KCNJ6: variants seen among roughly 807,000 people sequenced by gnomAD.
KCNJ6 encodes potassium inwardly rectifying channel subfamily J member 6, also known as G protein-activated inward rectifier potassium channel 2.
A neutral mutation model predicts 34.2 loss-of-function variants in KCNJ6; 9 were observed. The observed-to-expected ratio is 0.26, with a 90% confidence interval of 0.16 to 0.46. KCNJ6 has a LOEUF of 0.46. Ranked by LOEUF, KCNJ6 falls within the 20% of genes least tolerant of loss-of-function variation. KCNJ6 has a pLI of 1.00. For synonymous variants in KCNJ6, 196 were observed against 207.1 expected (o/e 0.95, Z 0.46); for missense variants, 236 against 531.3 (o/e 0.44, Z 5.46).
intron 1 of KCNJ6, among the ~76,000 whole-genome samples, chr21:37,855,956 T>C (rs1225451419): frequency 6.6e-6 from 1 of 152,198 alleles, no homozygotes; most frequent in Non-Finnish European, 1.5e-5. Flanking sequence ...TCAGCCTCCC[T>C]GTCCCAGAGC....
intron 3 of KCNJ6, among the ~76,000 whole-genome samples, chr21:37,648,512 G>C (rs1196572912): frequency 1.3e-5 from 2 of 152,204 alleles, no homozygotes; most frequent in African/African-American, 2.4e-5. Flanking sequence ...AATATTTAGA[G>C]TGGGGGACAA....
At position 37,608,648 on chromosome 21, in the gene KCNJ6, C is replaced by CGT. The variant is rs1361604279; in HGVS notation, c.*16509_*16510dup. On this transcript the variant is annotated 3_prime_UTR_variant, in exon 4 of 4. Coordinates refer to ENST00000609713, the MANE Select transcript of KCNJ6 (RefSeq NM_002240.5). Reference sequence around the variant, plus strand: ...TCTAAAACTAGACTCAGTTACTTCACGTGTGAAGTGGGAAGCAGTATTTTC... The same window carrying CGT: ...TCTAAAACTAGACTCAGTTACTTCACGTGTGTGAAGTGGGAAGCAGTATTTTC... 1 of 152,192 alleles carries CGT rather than the reference C, an allele frequency of 6.6e-6. No homozygotes were observed. Among genetic ancestry groups the CGT allele is most frequent in the Non-Finnish European group, 1.5e-5 (1 of 68,038 alleles). The allele number at this position is 152,192 out of a possible 1,614,324, so 9.4% of individuals were successfully genotyped here.
chr21:37,736,692 AG>A (rs2054914725), intron 2 of KCNJ6, among the ~76,000 whole-genome samples: 1 of 152,188 alleles, frequency 6.6e-6, no homozygotes, highest in African/African-American at 2.4e-5. Flanking sequence ...GGCACAATGC[AG>A]GGGACTCCTC....
chr21:37,912,026 T>G (rs1046289679), intron 1 of KCNJ6, among the ~76,000 whole-genome samples: 3 of 152,132 alleles, frequency 2.0e-5, no homozygotes, highest in Non-Finnish European at 2.9e-5. Context: ...TCAAGGAAAA[T>G]AGTTCATGTA....
chr21:37,666,655 G>A (rs192097233), intron 3 of KCNJ6, among the ~76,000 whole-genome samples: 157 of 152,276 alleles, frequency 1.0e-3, no homozygotes, highest in African/African-American at 3.7e-3. Flanking sequence ...CAGCTCTGAA[G>A]AGACAGTGAC....
chr21:37,760,291 T>C lies in KCNJ6; in HGVS notation c.26-45160A>G, dbSNP rs146784398. Among the ~76,000 whole-genome samples, 679 of 152,370 alleles carry C rather than the reference T, an allele frequency of 4.5e-3. 5 individuals carry two copies. The highest frequency in any genetic ancestry group is 0.015 in the African/African-American group (643 of 41,590). On this transcript the variant is annotated intron_variant, in intron 2 of 3. Transcript: ENST00000609713. ...GATTAATATAAATGTTGAAATGCTA[T>C]GATTCCTCATTTCATGGACAAGGAA...
chr21:37,759,516 C>T (rs1302980376), intron 2 of KCNJ6, among the ~76,000 whole-genome samples: 1 of 152,160 alleles, frequency 6.6e-6, no homozygotes, highest in African/African-American at 2.4e-5. Context: ...CTCCCTGTGC[C>T]GCCAAGCTTG....
intron 2 of KCNJ6, among the ~76,000 whole-genome samples, chr21:37,722,719 A>G (rs1187208157): frequency 1.3e-5 from 2 of 152,256 alleles, no homozygotes; most frequent in Non-Finnish European, 2.9e-5. Context: ...GTACTGGGAT[A>G]GCTGGCTAGC....
rs1280399185 is a variant in KCNJ6, at chr21:37,620,244, A to G, written c.*4915T>C. 6.6e-6 allele frequency: 1 copy of G among 152,210 alleles called. No individual in the cohort carries two copies. The highest frequency in any genetic ancestry group is 1.5e-5 in the Non-Finnish European group (1 of 68,044). The allele number at this position is 152,210 out of a possible 1,614,324, so 9.4% of individuals were successfully genotyped here. On this transcript the variant is annotated 3_prime_UTR_variant, in exon 4 of 4. Transcript: ENST00000609713. ...TACTTAACAGTACAGTACAGGGGTC[A>G]GCAAACTTTTTTTATACAGGGCCAG... is the stretch of plus-strand genomic sequence containing the variant.
chr21:37,719,803 A>T (rs1357992829), intron 2 of KCNJ6, among the ~76,000 whole-genome samples: 1 of 152,208 alleles, frequency 6.6e-6, no homozygotes, highest in Admixed American at 6.5e-5. Context: ...AGCTGGGCGG[A>T]GCCTTGTCCT....
At chr21:37,724,010 C>T (rs558223439) in intron 2 of KCNJ6, among the ~76,000 whole-genome samples, 2 of 151,396 alleles carry the variant, frequency 1.3e-5, no homozygotes, top group South Asian at 4.2e-4. Flanking sequence ...TTGGGAGTGG[C>T]ACAGATTCTG....
At chr21:37,691,298 C>T (rs1055853832) in intron 3 of KCNJ6, among the ~76,000 whole-genome samples, 4 of 152,154 alleles carry the variant, frequency 2.6e-5, no homozygotes, top group Non-Finnish European at 4.4e-5. Flanking sequence ...TCTAAGGATT[C>T]CCACAGGGTC....
At chr21:37,900,061 C>G (rs1370664012) in intron 1 of KCNJ6, among the ~76,000 whole-genome samples, 6 of 152,254 alleles carry the variant, frequency 3.9e-5, no homozygotes, top group Admixed American at 1.3e-4. Flanking sequence ...ACAGATTGTT[C>G]TTTCACTAGG....
chr21:37,713,471 T>C (rs1280447954), intron 3 of KCNJ6, among the ~76,000 whole-genome samples: 7 of 152,182 alleles, frequency 4.6e-5, no homozygotes, highest in South Asian at 2.1e-4. Context: ...TGCTTTGCTG[T>C]TGGGATGTGT....
At chr21:37,907,088 G>C (rs2055845465) in intron 1 of KCNJ6, among the ~76,000 whole-genome samples, 1 of 152,222 alleles carries the variant, frequency 6.6e-6, no homozygotes, top group Non-Finnish European at 1.5e-5. Flanking sequence ...TCGTCATGGA[G>C]TCTTGGCTCT....
chr21:37,648,277 A>G (rs1183638286), intron 3 of KCNJ6, among the ~76,000 whole-genome samples: 1 of 152,158 alleles, frequency 6.6e-6, no homozygotes, highest in Non-Finnish European at 1.5e-5. Context: ...TGGGCCGTGG[A>G]GGGGAGGAAG....
At chr21:37,683,774 G>A (rs762721374) in intron 3 of KCNJ6, among the ~76,000 whole-genome samples, 2 of 152,148 alleles carry the variant, frequency 1.3e-5, no homozygotes, top group African/African-American at 4.8e-5. Flanking sequence ...TGGACCTGGG[G>A]CCAGGCTTCT....
At chr21:37,637,487 TTAAG>T (rs2054363117) in intron 3 of KCNJ6, among the ~76,000 whole-genome samples, 1 of 152,226 alleles carries the variant, frequency 6.6e-6, no homozygotes, top group Non-Finnish European at 1.5e-5. Flanking sequence ...AAGTATTGAA[TTAAG>T]TAAGAAATGT....
intron 2 of KCNJ6, among the ~76,000 whole-genome samples, chr21:37,736,083 T>C (rs1438378994): frequency 6.6e-6 from 1 of 152,134 alleles, no homozygotes. Context: ...TCAAAACAGA[T>C]GAGCTGAAAC....
Sources: allele counts gnomAD v4.1 joint callset (sites outside exome capture counted in the v4.1 genomes callset), GRCh38; gene constraint gnomAD v4.1.1; transcripts MANE v1.5; gene names NCBI Gene and HGNC (gene_info 2026-07-23, HGNC 2026-07-21).